Variants in GOLGA4 observed in about 807,000 individuals in gnomAD.
The protein encoded by GOLGA4 is golgin subfamily A member 4.
A neutral mutation model predicts 265.9 loss-of-function variants in GOLGA4; 169 were observed. The observed-to-expected ratio is 0.64, with a 90% CI of 0.56 to 0.72. The LOEUF is 0.72. Ranked by LOEUF, GOLGA4 falls within the 30% of genes least tolerant of loss-of-function variation. The pLI is 0.00. For missense variants in GOLGA4, 2,482 were observed against 2,483.4 expected, an observed-to-expected ratio of 1.00 and a Z score of 0.01; for synonymous variants, 923 against 855.8, an observed-to-expected ratio of 1.08 and a Z score of -1.37.
chr3:37,257,002 T>A (rs2150629571), intron 2 of GOLGA4, among the ~76,000 whole-genome samples: 1 of 152,268 alleles, frequency 6.6e-6, no homozygotes, highest in Non-Finnish European at 1.5e-5. Context: ...GTGTTGTACA[T>A]TCATCACATC....
intron 3 of GOLGA4, among the ~76,000 whole-genome samples, chr3:37,282,983 T>A (rs2096838838): frequency 6.6e-6 from 1 of 152,244 alleles, no homozygotes; most frequent in Non-Finnish European, 1.5e-5. Context: ...GAGTAAGTTG[T>A]CCATATTTTT....
chr3:37,252,371 A>G, intron 2 of GOLGA4, among the ~76,000 whole-genome samples: 1 of 150,948 alleles, frequency 6.6e-6, no homozygotes, highest in Middle Eastern at 3.2e-3. Context: ...TCTAAATGTA[A>G]ACATTGTAGT....
intron 2 of GOLGA4, among the ~76,000 whole-genome samples, chr3:37,265,117 TTGTGTGTGTG>T (rs35252934): frequency 2.7e-5 from 4 of 147,548 alleles, no homozygotes; most frequent in East Asian, 2.0e-4. Flanking sequence ...CATGCTCATA[TTGTGTGTGTG>T]TGTGTGTGTG....
intron 10 of GOLGA4, 101 bp from the exon 11 acceptor site, chr3:37,315,319 C>A: frequency 1.1e-6 from 1 of 935,152 alleles, no homozygotes; most frequent in Non-Finnish European, 1.6e-6. Flanking sequence ...TTTAACCTAT[C>A]CTGCTACTGC....
At chr3:37,344,999 G>A (rs1308002126) in intron 20 of GOLGA4, among the ~76,000 whole-genome samples, 1 of 152,156 alleles carries the variant, frequency 6.6e-6, no homozygotes, top group Non-Finnish European at 1.5e-5. Flanking sequence ...AGGATCACTT[G>A]AGCCCAGGAG....
At chr3:37,363,062 G>T (rs1010049055) in intron 23 of GOLGA4, among the ~76,000 whole-genome samples, 8 of 152,036 alleles carry the variant, frequency 5.3e-5, no homozygotes, top group African/African-American at 1.9e-4. Context: ...GATTACAGGC[G>T]TGAGCCACTG....
At chr3:37,317,605 A>G (rs1480065613) in intron 11 of GOLGA4, among the ~76,000 whole-genome samples, 1 of 152,246 alleles carries the variant, frequency 6.6e-6, no homozygotes, top group Non-Finnish European at 1.5e-5. Flanking sequence ...GTGGAAGACA[A>G]TTTATACCCT....
At chr3:37,245,466 T>C (rs1240292500) in intron 1 of GOLGA4, 1 of 152,354 alleles carries the variant, frequency 6.6e-6, no homozygotes, top group East Asian at 1.9e-4. Context: ...TGTATGTAAG[T>C]GTATTTATAT....
At chr3:37,286,875 A>G (rs1308428176) in intron 4 of GOLGA4, among the ~76,000 whole-genome samples, 1 of 152,178 alleles carries the variant, frequency 6.6e-6, no homozygotes, top group Non-Finnish European at 1.5e-5. Context: ...GGGATAAGAA[A>G]CTATTATATT....
intron 14 of GOLGA4, 152 bp from the exon 15 acceptor site, chr3:37,328,264 A>ACACT: frequency 1.5e-6 from 1 of 687,186 alleles, no homozygotes; most frequent in Non-Finnish European, 2.5e-6. Context: ...ACACACACAC[A>ACACT]CACACTCACT....
intron 4 of GOLGA4, among the ~76,000 whole-genome samples, chr3:37,286,866 G>A (rs2150794778): frequency 6.6e-6 from 1 of 152,178 alleles, no homozygotes; most frequent in South Asian, 2.1e-4. Context: ...AAGTATGTAG[G>A]GATAAGAAAC....
intron 7 of GOLGA4, among the ~76,000 whole-genome samples, chr3:37,298,133 CAGAG>C (rs2096883529): frequency 1.3e-5 from 2 of 152,140 alleles, no homozygotes; most frequent in Admixed American, 1.3e-4. Flanking sequence ...ACTGCCTAGA[CAGAG>C]CTGATTTATC....
intron 15 of GOLGA4, 127 bp downstream of exon 15, chr3:37,328,664 T>A: frequency 4.4e-6 from 4 of 910,828 alleles, no homozygotes; most frequent in Non-Finnish European, 6.6e-6. Context: ...CCTTGCCCAA[T>A]AACATTCTCT....
chr3:37,343,354 C>T (rs1204692939), intron 20 of GOLGA4, among the ~76,000 whole-genome samples: 14 of 152,128 alleles, frequency 9.2e-5, no homozygotes, highest in Non-Finnish European at 5.9e-5. Flanking sequence ...CTCCTGACCT[C>T]GGGTGATCCG....
At chr3:37,255,911 C>T (rs1360776489) in intron 2 of GOLGA4, among the ~76,000 whole-genome samples, 7 of 152,076 alleles carry the variant, frequency 4.6e-5, no homozygotes, top group African/African-American at 1.7e-4. Context: ...AGTCACCGCA[C>T]AGGGCCAAAC....
intron 20 of GOLGA4, among the ~76,000 whole-genome samples, chr3:37,345,205 C>G (rs886631570): frequency 6.6e-6 from 1 of 152,144 alleles, no homozygotes; most frequent in Non-Finnish European, 1.5e-5. Context: ...GAGACCCTGT[C>G]TCAAAATAAT....
At chr3:37,335,409 C>G (rs1486784718) in intron 17 of GOLGA4, among the ~76,000 whole-genome samples, 1 of 152,134 alleles carries the variant, frequency 6.6e-6, no homozygotes, top group African/African-American at 2.4e-5. Flanking sequence ...ACCTCAAAGC[C>G]TAGGCATTTT....
intron 21 of GOLGA4, among the ~76,000 whole-genome samples, chr3:37,349,740 C>T (rs564469704): frequency 3.3e-5 from 5 of 152,160 alleles, no homozygotes; most frequent in East Asian, 1.9e-4. Flanking sequence ...GACCAGGTTG[C>T]GGTTTTAGAA....
At chr3:37,248,481 A>T (rs567135251) in intron 1 of GOLGA4, among the ~76,000 whole-genome samples, 2 of 152,212 alleles carry the variant, frequency 1.3e-5, no homozygotes, top group Non-Finnish European at 2.9e-5. Flanking sequence ...TTATATCTTG[A>T]AGTGAGGATA....
Sources: allele counts gnomAD v4.1 joint callset (sites outside exome capture counted in the v4.1 genomes callset), GRCh38; gene constraint gnomAD v4.1.1; transcripts MANE v1.5; gene names NCBI Gene and HGNC (gene_info 2026-07-23, HGNC 2026-07-21).